ADORA2B: variants seen among roughly 807,000 people sequenced by gnomAD.
ADORA2B encodes adenosine A2b receptor, also known as adenosine receptor A2b.
In ADORA2B, 18 loss-of-function variants were observed where a neutral mutation model predicts 20.8. The observed-to-expected ratio is 0.87, with a 90% CI of 0.60 to 1.29. The LOEUF (loss-of-function observed/expected upper bound fraction) is 1.29, where lower values mean the gene tolerates loss of function less well. Ranked by LOEUF, ADORA2B falls within the 50% of genes most tolerant of loss-of-function variation. The pLI is 0.00. For missense variants in ADORA2B, 441 were observed against 422.7 expected, an observed-to-expected ratio of 1.04 and a Z score of -0.38; for synonymous variants, 179 against 178.3, an observed-to-expected ratio of 1.00 and a Z score of -0.03.
chr17:15,916,513 A>G, the ADORA2B span, among the ~76,000 whole-genome samples: 1 of 147,700 alleles, frequency 6.8e-6, no homozygotes, highest in African/African-American at 2.4e-5. Context: ...GTCGTGATCA[A>G]CTGAGCAAGG....
chr17:15,854,350 A>G, the ADORA2B span, among the ~76,000 whole-genome samples: 2 of 152,252 alleles, frequency 1.3e-5, no homozygotes, highest in African/African-American at 4.8e-5. Flanking sequence ...AATTTACCAC[A>G]TTAACAAAGG....
chr17:15,913,725 G>A, the ADORA2B span, among the ~76,000 whole-genome samples: 3 of 152,140 alleles, frequency 2.0e-5, no homozygotes, highest in East Asian at 5.8e-4. Context: ...AAAAAATTTG[G>A]CCTGGACATC....
the ADORA2B span, among the ~76,000 whole-genome samples, chr17:15,905,895 C>T: frequency 6.6e-6 from 1 of 152,210 alleles, no homozygotes; most frequent in Non-Finnish European, 1.5e-5. Context: ...ACCTCGTGAT[C>T]TGCCCACCTC....
the ADORA2B span, among the ~76,000 whole-genome samples, chr17:15,933,091 G>T: frequency 6.6e-6 from 1 of 151,922 alleles, no homozygotes; most frequent in Non-Finnish European, 1.5e-5. Context: ...GAGTAGCTGG[G>T]ACTACAAGCG....
the ADORA2B span, chr17:15,863,927 G>A: frequency 6.6e-6 from 1 of 152,172 alleles, no homozygotes; most frequent in Non-Finnish European, 1.5e-5. Flanking sequence ...AACTAATGTG[G>A]TTGTTTCTTC....
chr17:15,909,482 A>G, the ADORA2B span, among the ~76,000 whole-genome samples: 1 of 152,184 alleles, frequency 6.6e-6, no homozygotes. Context: ...GCTTTGCTGG[A>G]GTCCCTGGGA....
In ADORA2B at chr17:15,974,952, T is replaced by G. The variant is rs770185409; in HGVS notation, c.609T>G (p.Ile203Met). The G allele has an allele frequency of 5.4e-5, 87 of 1,614,016 alleles. No homozygotes were observed. The highest frequency in any genetic ancestry group is 4.9e-4 in the Middle Eastern group (3 of 6,084). The change falls in exon 2 of 2, where the codon ATT (isoleucine) becomes ATG (methionine). Residue 203 changes from isoleucine to methionine, a missense_variant. By Grantham distance (10) the Ile-to-Met change is conservative (BLOSUM62 1). Transcript: ENST00000304222. ...TGCTTATAATGCTGGTGATCTACAT[T>G]AAGATCTTCCTGGTGGCCTGCAGGC... ...PPLLIMLVIYIKIFLVACRQL... is the reference protein window; with the variant it reads ...PPLLIMLVIYMKIFLVACRQL...
the ADORA2B span, among the ~76,000 whole-genome samples, chr17:15,924,104 G>A: frequency 2.6e-5 from 4 of 152,060 alleles, no homozygotes; most frequent in Non-Finnish European, 4.4e-5. Flanking sequence ...GTAGAGACAA[G>A]TTTTCGCCAT....
At chr17:15,869,362 A>T in the ADORA2B span, among the ~76,000 whole-genome samples, 1 of 151,200 alleles carries the variant, frequency 6.6e-6, no homozygotes, top group African/African-American at 2.4e-5. Context: ...ATTGAAGCAA[A>T]ACAATAAAGT....
At chr17:15,964,947 C>G (rs376192055) in intron 1 of ADORA2B, among the ~76,000 whole-genome samples, 2 of 152,032 alleles carry the variant, frequency 1.3e-5, no homozygotes, top group Admixed American at 1.3e-4. Context: ...GTAGTCCCAG[C>G]TACTCAGGAG....
chr17:15,927,208 G>A, the ADORA2B span, among the ~76,000 whole-genome samples: 3 of 152,160 alleles, frequency 2.0e-5, no homozygotes, highest in African/African-American at 7.2e-5. Context: ...ATTAGGCTGG[G>A]TGCGGTGGCT....
At chr17:15,890,460 TTTTA>T in the ADORA2B span, among the ~76,000 whole-genome samples, 3,938 of 83,312 alleles carry the variant, frequency 0.047, 1,015 homozygotes, top group African/African-American at 0.17. Context: ...CATTCCTTTC[TTTTA>T]TTTATTTATT....
At chr17:15,861,260 G>C in the ADORA2B span, among the ~76,000 whole-genome samples, 1 of 152,214 alleles carries the variant, frequency 6.6e-6, no homozygotes, top group African/African-American at 2.4e-5. Flanking sequence ...GTTGGCATAA[G>C]AAATGTAGAG....
chr17:15,951,131 C>T (rs1316140569), intron 1 of ADORA2B, among the ~76,000 whole-genome samples: 1 of 152,240 alleles, frequency 6.6e-6, no homozygotes, highest in African/African-American at 2.4e-5. Context: ...AGCAGGTGTA[C>T]AGTGAGGGCC....
chr17:15,872,476 A>G, the ADORA2B span, among the ~76,000 whole-genome samples: 1 of 152,252 alleles, frequency 6.6e-6, no homozygotes, highest in African/African-American at 2.4e-5. Flanking sequence ...AATTTCATTC[A>G]GCAGATTGTA....
At position 15,945,452 on chromosome 17, in the gene ADORA2B, C is replaced by T. The variant is rs1969789318; in HGVS notation, c.204C>T (p.Ser68=). 3.7e-6 allele frequency: 6 copies of T among 1,613,602 alleles called. No individual in the cohort carries two copies. The Admixed American group carries it at 8.3e-5, about 22-fold the overall frequency. Residue 68 remains serine (S), a synonymous_variant, in exon 1 of 2, where the codon AGC becomes AGT. Transcript: ENST00000304222. ...LFAIPFAITI[S]LGFCTDFYGC... is the part of the protein sequence containing the mutation. Reference sequence around the variant, plus strand: ...CCATCCCCTTTGCCATCACCATCAGCCTGGGCTTCTGCACTGACTTCTACG... The same window carrying T: ...CCATCCCCTTTGCCATCACCATCAGTCTGGGCTTCTGCACTGACTTCTACG...
chr17:15,883,309 T>C, the ADORA2B span, among the ~76,000 whole-genome samples: 1 of 152,236 alleles, frequency 6.6e-6, no homozygotes, highest in African/African-American at 2.4e-5. Context: ...AAATATTCTC[T>C]TTGGAGCGCT....
the ADORA2B span, among the ~76,000 whole-genome samples, chr17:15,869,644 G>A: frequency 6.6e-6 from 1 of 152,168 alleles, no homozygotes; most frequent in African/African-American, 2.4e-5. Context: ...ACAGCGTCAG[G>A]AATGGACCTG....
chr17:15,939,206 AT>A, the ADORA2B span, among the ~76,000 whole-genome samples: 2 of 151,800 alleles, frequency 1.3e-5, no homozygotes, highest in Admixed American at 1.3e-4. Flanking sequence ...ACGCCCAGCT[AT>A]TTTTTTGTAT....
Sources: allele counts gnomAD v4.1 joint callset (sites outside exome capture counted in the v4.1 genomes callset), GRCh38; gene constraint gnomAD v4.1.1; transcripts MANE v1.5; gene names NCBI Gene and HGNC (gene_info 2026-07-23, HGNC 2026-07-21).